NLGN1: variants seen among roughly 807,000 people sequenced by gnomAD.
NLGN1 encodes the protein neuroligin-1.
Under a neutral mutation model 65.5 loss-of-function variants are expected in NLGN1, and 12 were observed. That is an observed-to-expected ratio of 0.18 (90% CI 0.12 to 0.30). The LOEUF (loss-of-function observed/expected upper bound fraction) is 0.30. NLGN1 is among the 10% of genes least tolerant of loss of function. The pLI is 1.00. For missense variants in NLGN1, 750 were observed against 1,007.1 expected (o/e 0.74, Z 3.46); for synonymous variants, 350 against 359.5 (o/e 0.97, Z 0.30).
At chr3:173,874,090 C>G (rs1056649037) in intron 4 of NLGN1, among the ~76,000 whole-genome samples, 7 of 152,170 alleles carry the variant, frequency 4.6e-5, no homozygotes, top group Admixed American at 1.3e-4. Context: ...TCTTGGACTT[C>G]CCAGCCTCCA....
intron 1 of NLGN1, among the ~76,000 whole-genome samples, chr3:173,425,314 C>G (rs1045739749): frequency 6.6e-6 from 1 of 151,820 alleles, no homozygotes; most frequent in Non-Finnish European, 1.5e-5. Flanking sequence ...TGTAGATGAC[C>G]TCTTCACTCT....
intron 4 of NLGN1, among the ~76,000 whole-genome samples, chr3:173,926,179 G>C (rs1344604046): frequency 6.7e-6 from 1 of 149,448 alleles, no homozygotes; most frequent in Non-Finnish European, 1.5e-5. Flanking sequence ...CTGTTTTCAT[G>C]TTATCTAAGG....
intron 3 of NLGN1, among the ~76,000 whole-genome samples, chr3:173,773,139 A>G (rs576042717): frequency 1.2e-4 from 19 of 152,172 alleles, no homozygotes; most frequent in African/African-American, 4.3e-4. Flanking sequence ...TTCAGTCAAC[A>G]TTTGTCTGCC....
chr3:174,219,188 T>C (rs1410890673), intron 4 of NLGN1, among the ~76,000 whole-genome samples: 1 of 152,090 alleles, frequency 6.6e-6, no homozygotes, highest in African/African-American at 2.4e-5. Flanking sequence ...GAGACCACCC[T>C]GGAGTAGGAA....
intron 2 of NLGN1, among the ~76,000 whole-genome samples, chr3:173,522,588 G>A (rs1380635901): frequency 1.5e-5 from 2 of 135,112 alleles, no homozygotes; most frequent in African/African-American, 2.5e-5. Flanking sequence ...CCGCCACTAC[G>A]CCCAGCTAAT....
chr3:173,978,239 G>T (rs1037571719), intron 4 of NLGN1, among the ~76,000 whole-genome samples: 13 of 152,100 alleles, frequency 8.5e-5, no homozygotes, highest in African/African-American at 3.1e-4. Flanking sequence ...CTTCCTTTCT[G>T]CCTCCTTTGG....
At chr3:173,657,577 C>G (rs1041194600) in intron 3 of NLGN1, among the ~76,000 whole-genome samples, 1 of 151,784 alleles carries the variant, frequency 6.6e-6, no homozygotes, top group African/African-American at 2.4e-5. Context: ...TGAAGTTGTT[C>G]TTTTAAAATG....
intron 4 of NLGN1, among the ~76,000 whole-genome samples, chr3:174,257,589 T>A (rs1004477796): frequency 2.0e-5 from 3 of 152,020 alleles, no homozygotes; most frequent in African/African-American, 7.2e-5. Context: ...ATAAAAGGAA[T>A]GAGTTATGTC....
chr3:174,073,652 G>T (rs1202837002), intron 4 of NLGN1, among the ~76,000 whole-genome samples: 1 of 152,040 alleles, frequency 6.6e-6, no homozygotes, highest in Non-Finnish European at 1.5e-5. Context: ...CTTCCCATTT[G>T]GTTGAAAGTA....
chr3:173,753,366 C>G (rs1425112184), intron 3 of NLGN1, among the ~76,000 whole-genome samples: 2 of 152,134 alleles, frequency 1.3e-5, no homozygotes, highest in Non-Finnish European at 2.9e-5. Context: ...ATGGTCTTCC[C>G]TGTCTTGGTT....
intron 2 of NLGN1, among the ~76,000 whole-genome samples, chr3:173,497,434 C>A (rs1730221358): frequency 6.6e-6 from 1 of 151,264 alleles, no homozygotes; most frequent in African/African-American, 2.4e-5. Context: ...TTATTTATAT[C>A]TTCTCTTAAA....
chr3:174,210,132 CT>C (rs1209449848), intron 4 of NLGN1, among the ~76,000 whole-genome samples: 1 of 152,108 alleles, frequency 6.6e-6, no homozygotes, highest in Admixed American at 6.6e-5. Context: ...GTTCAAATAC[CT>C]TTTTCATAAA....
At chr3:174,048,459 C>T (rs1472594206) in intron 4 of NLGN1, among the ~76,000 whole-genome samples, 1 of 151,776 alleles carries the variant, frequency 6.6e-6, no homozygotes, top group African/African-American at 2.4e-5. Context: ...TGAGTTTGGT[C>T]ACAGACAAGT....
intron 3 of NLGN1, among the ~76,000 whole-genome samples, chr3:173,639,512 A>C: frequency 6.6e-6 from 1 of 152,214 alleles, no homozygotes; most frequent in Non-Finnish European, 1.5e-5. Context: ...AGCACTGGAC[A>C]GGTTCATGGT....
chr3:174,286,995 T>G (rs1209238642), downstream of NLGN1, among the ~76,000 whole-genome samples: 1 of 151,476 alleles, frequency 6.6e-6, no homozygotes, highest in African/African-American at 2.4e-5. Context: ...AAATAGTGCT[T>G]TAAATAGAGA....
At chr3:173,562,926 A>C (rs1743005918) in intron 2 of NLGN1, among the ~76,000 whole-genome samples, 1 of 152,170 alleles carries the variant, frequency 6.6e-6, no homozygotes, top group Admixed American at 6.5e-5. Flanking sequence ...ATGTCTAATA[A>C]GATTGACCTA....
intron 4 of NLGN1, among the ~76,000 whole-genome samples, chr3:174,249,514 T>A (rs1173638085): frequency 1.3e-5 from 2 of 152,224 alleles, no homozygotes; most frequent in African/African-American, 4.8e-5. Context: ...TATGGTCCTT[T>A]CTTGAAATAA....
intron 4 of NLGN1, among the ~76,000 whole-genome samples, chr3:173,850,396 CTT>C (rs1355627212): frequency 6.6e-6 from 1 of 152,160 alleles, no homozygotes; most frequent in African/African-American, 2.4e-5. Context: ...AGTTCTCTCT[CTT>C]CTTAAAAATC....
At chr3:174,028,416 G>A (rs1166233563) in intron 4 of NLGN1, among the ~76,000 whole-genome samples, 1 of 152,200 alleles carries the variant, frequency 6.6e-6, no homozygotes, top group Non-Finnish European at 1.5e-5. Flanking sequence ...GAGAACTGGG[G>A]CAAAGGTGAC....
Sources: allele counts gnomAD v4.1 joint callset (sites outside exome capture counted in the v4.1 genomes callset), GRCh38; gene constraint gnomAD v4.1.1; transcripts MANE v1.5; gene names NCBI Gene and HGNC (gene_info 2026-07-23, HGNC 2026-07-21).